Variants in ZBTB20 observed in about 807,000 individuals in gnomAD.
The protein encoded by ZBTB20 is zinc finger and BTB domain-containing protein 20.
ZBTB20 carries 9 observed loss-of-function variants against 56.9 expected under a neutral mutation model. That is an observed-to-expected ratio of 0.16 (90% CI 0.10 to 0.28). The LOEUF (loss-of-function observed/expected upper bound fraction) is 0.28. ZBTB20 is among the 10% of genes least tolerant of loss of function. The pLI is 1.00. For synonymous variants in ZBTB20, 417 were observed against 420.7 expected (o/e 0.99, Z 0.11); for missense variants, 655 against 1,003.0 (o/e 0.65, Z 4.69).
At chr3:114,811,589 T>C (rs1029798632) in intron 4 of ZBTB20, among the ~76,000 whole-genome samples, 1 of 152,222 alleles carries the variant, frequency 6.6e-6, no homozygotes, top group African/African-American at 2.4e-5. Flanking sequence ...AAAGCATTAA[T>C]TGTGAATATC....
At chr3:114,470,753 GA>G (rs538434685) in intron 7 of ZBTB20, among the ~76,000 whole-genome samples, 45 of 152,124 alleles carry the variant, frequency 3.0e-4, no homozygotes, top group Middle Eastern at 3.4e-3. Context: ...TCCTTTAGAA[GA>G]AAAAAACTCC....
intron 4 of ZBTB20, among the ~76,000 whole-genome samples, chr3:114,870,077 T>C (rs1336947472): frequency 6.6e-6 from 1 of 152,138 alleles, no homozygotes; most frequent in Non-Finnish European, 1.5e-5. Flanking sequence ...TCACAGAGAA[T>C]AATCTCATGA....
chr3:114,454,598 G>A (rs1398462478), intron 7 of ZBTB20: 1 of 151,796 alleles, frequency 6.6e-6, no homozygotes, highest in East Asian at 1.9e-4. Flanking sequence ...ATGCTAATCA[G>A]TCAGGAGTTC....
At chr3:114,361,672 G>A (rs2081902658) in intron 10 of ZBTB20, among the ~76,000 whole-genome samples, 2 of 152,202 alleles carry the variant, frequency 1.3e-5, no homozygotes, top group Non-Finnish European at 2.9e-5. Flanking sequence ...TAAGGAGAGT[G>A]AGGCTGATTG....
chr3:114,444,407 C>T (rs942085964), intron 7 of ZBTB20, among the ~76,000 whole-genome samples: 8 of 152,142 alleles, frequency 5.3e-5, no homozygotes, highest in African/African-American at 1.7e-4. Context: ...CCTCATCACA[C>T]ATATTTGTCC....
intron 6 of ZBTB20, among the ~76,000 whole-genome samples, chr3:114,620,117 C>T (rs16823016): frequency 6.6e-6 from 1 of 152,164 alleles, no homozygotes; most frequent in Non-Finnish European, 1.5e-5. Flanking sequence ...CTACTGCAAA[C>T]TGAAGATCCC....
intron 2 of ZBTB20, among the ~76,000 whole-genome samples, chr3:115,047,814 G>A (rs1257926670): frequency 6.6e-6 from 1 of 152,138 alleles, no homozygotes; most frequent in Non-Finnish European, 1.5e-5. Flanking sequence ...TAACGAAATT[G>A]TTTACAAGGC....
chr3:114,803,935 C>G (rs1228920028), intron 4 of ZBTB20, among the ~76,000 whole-genome samples: 1 of 151,824 alleles, frequency 6.6e-6, no homozygotes, highest in Non-Finnish European at 1.5e-5. Context: ...CAATCTCAGT[C>G]ATTATTAAAA....
At chr3:115,131,277 A>G (rs948019223) in intron 1 of ZBTB20, among the ~76,000 whole-genome samples, 1 of 152,176 alleles carries the variant, frequency 6.6e-6, no homozygotes, top group Non-Finnish European at 1.5e-5. Flanking sequence ...TAACCCTACT[A>G]TAAGGTAGAT....
intron 7 of ZBTB20, among the ~76,000 whole-genome samples, chr3:114,436,475 G>A (rs907169138): frequency 6.6e-6 from 1 of 152,102 alleles, no homozygotes; most frequent in Non-Finnish European, 1.5e-5. Flanking sequence ...ATTCAAATTT[G>A]CAAAATGCCC....
At position 114,986,992 on chromosome 3, in the gene ZBTB20, CTA is replaced by C. The variant is rs776180358; in HGVS notation, c.-506-12578_-506-12577del. Among the ~76,000 whole-genome samples, 90 of 152,176 alleles carry C rather than the reference CTA, an allele frequency of 5.9e-4. 1 individual carries two copies. Among genetic ancestry groups the C allele is most frequent in the Non-Finnish European group, 1.1e-3 (72 of 67,978 alleles). ...TCCAATTCTGCTTTATCTATTCTAGCTATAGTGTCAAAATATTTTTGTAGCTT... is the reference window on the plus strand; with the variant it reads ...TCCAATTCTGCTTTATCTATTCTAGCTAGTGTCAAAATATTTTTGTAGCTT... On this transcript the variant is annotated intron_variant, in intron 2 of 11. Coordinates refer to ENST00000675478, the MANE Select transcript of ZBTB20 (RefSeq NM_001348800.3).
chr3:114,367,898 G>A (rs999050505), intron 10 of ZBTB20, among the ~76,000 whole-genome samples: 1 of 152,136 alleles, frequency 6.6e-6, no homozygotes, highest in African/African-American at 2.4e-5. Context: ...GCTTTTCCTC[G>A]AAGTGAAGGA....
At chr3:114,861,351 T>C (rs1383712115) in intron 4 of ZBTB20, among the ~76,000 whole-genome samples, 1 of 152,196 alleles carries the variant, frequency 6.6e-6, no homozygotes. Context: ...AGTTTATTGC[T>C]AGTGTCCAGT....
chr3:115,006,923 T>C (rs2079496063), intron 2 of ZBTB20, among the ~76,000 whole-genome samples: 1 of 151,916 alleles, frequency 6.6e-6, no homozygotes, highest in South Asian at 2.1e-4. Context: ...GATTTAGCTG[T>C]TTCTTTTTAT....
At chr3:114,740,397 G>A (rs1396295468) in intron 5 of ZBTB20, among the ~76,000 whole-genome samples, 1 of 152,144 alleles carries the variant, frequency 6.6e-6, no homozygotes, top group Non-Finnish European at 1.5e-5. Context: ...TTTCCTGTGG[G>A]TACGAAAAAT....
At chr3:114,593,213 T>C (rs1324792779) in intron 6 of ZBTB20, among the ~76,000 whole-genome samples, 1 of 152,176 alleles carries the variant, frequency 6.6e-6, no homozygotes, top group Non-Finnish European at 1.5e-5. Context: ...CGTTCTTTTA[T>C]TAGTGATAAC....
At chr3:114,936,247 C>T (rs1302491446) in intron 3 of ZBTB20, among the ~76,000 whole-genome samples, 2 of 152,196 alleles carry the variant, frequency 1.3e-5, no homozygotes, top group Non-Finnish European at 2.9e-5. Flanking sequence ...AACTCATACA[C>T]ACACTGATGC....
chr3:114,682,349 A>G (rs773404226), intron 6 of ZBTB20, among the ~76,000 whole-genome samples: 9 of 152,208 alleles, frequency 5.9e-5, no homozygotes, highest in Non-Finnish European at 8.8e-5. Context: ...TACGCACAGA[A>G]TTCTACAATG....
At chr3:114,901,111 T>C (rs549589408) in intron 3 of ZBTB20, among the ~76,000 whole-genome samples, 1 of 152,158 alleles carries the variant, frequency 6.6e-6, no homozygotes, top group African/African-American at 2.4e-5. Context: ...CTTAAAAATA[T>C]TTCCTAGTTC....
Sources: gnomAD v4.1 joint callset for allele counts (sites outside exome capture counted in the v4.1 genomes callset) on GRCh38, gnomAD v4.1.1 for gene constraint, MANE v1.5 for transcripts, NCBI Gene and HGNC (gene_info 2026-07-23, HGNC 2026-07-21) for gene names.